Variants in RNPC3 observed in about 807,000 individuals in gnomAD.
The protein encoded by RNPC3 is RNA-binding region-containing protein 3.
RNPC3 carries 48 observed loss-of-function variants against 67.5 expected under a neutral mutation model. The observed-to-expected ratio is 0.71, with a 90% CI of 0.56 to 0.90. RNPC3 has a LOEUF of 0.90. Ranked by LOEUF, RNPC3 falls within the 40% of genes least tolerant of loss-of-function variation. RNPC3 has a pLI of 0.00. For missense variants in RNPC3, 637 were observed against 626.1 expected (o/e 1.02, Z -0.19); for synonymous variants, 239 against 210.3 (o/e 1.14, Z -1.18).
chr1:103,536,651 G>C (rs1650994662), intron 6 of RNPC3, among the ~76,000 whole-genome samples: 1 of 152,084 alleles, frequency 6.6e-6, no homozygotes, highest in South Asian at 2.1e-4. Flanking sequence ...TGTAGTACTA[G>C]TATATTTATG....
At chr1:103,544,631 C>A (rs953992633) in intron 9 of RNPC3, among the ~76,000 whole-genome samples, 35 of 151,702 alleles carry the variant, frequency 2.3e-4, no homozygotes, top group African/African-American at 8.5e-4. Flanking sequence ...AGTTTTAATT[C>A]CTATCTTGGA....
intron 2 of RNPC3, among the ~76,000 whole-genome samples, chr1:103,528,804 T>C (rs975857882): frequency 3.9e-5 from 6 of 152,294 alleles, no homozygotes; most frequent in African/African-American, 1.4e-4. Flanking sequence ...GCAGTTAAAG[T>C]AGGAGAACTA....
chr1:103,533,681 C>T (rs544862908), intron 2 of RNPC3, 58 bp from the exon 3 acceptor site: 2 of 900,634 alleles, frequency 2.2e-6, no homozygotes, highest in Non-Finnish European at 3.4e-6. Context: ...AAATTGGTCT[C>T]TAACGAATCA....
At position 103,550,926 on chromosome 1, in the gene RNPC3, G is replaced by C; in HGVS notation, c.1362-15G>C. On this transcript the variant is annotated splice_polypyrimidine_tract_variant and intron_variant, in intron 12 of 14. Transcript: ENST00000423855. Reference sequence around the variant, plus strand: ...AACTGACATTCTTTGAATCAAAACTGTTTCTTCCTTCTAGGTTTGATATAC... The same window carrying C: ...AACTGACATTCTTTGAATCAAAACTCTTTCTTCCTTCTAGGTTTGATATAC... 1 of 1,608,050 alleles carries C rather than the reference G, an allele frequency of 6.2e-7. No individual in the cohort carries two copies. The highest frequency in any genetic ancestry group is 8.5e-7 in the Non-Finnish European group (1 of 1,178,086).
At chr1:103,537,191 C>T in intron 6 of RNPC3, 151 bp from the exon 7 acceptor site, 1 of 481,252 alleles carries the variant, frequency 2.1e-6, no homozygotes. Flanking sequence ...AGCTAGTGAT[C>T]TGCCATACAA....
At chr1:103,536,822 A>G (rs1203785295) in intron 6 of RNPC3, among the ~76,000 whole-genome samples, 1 of 151,820 alleles carries the variant, frequency 6.6e-6, no homozygotes, top group African/African-American at 2.4e-5. Context: ...TGCTTGATAT[A>G]TTACTGGAGA....
At chr1:103,527,020 T>TAA (rs879574251) in intron 1 of RNPC3, among the ~76,000 whole-genome samples, 1 of 146,478 alleles carries the variant, frequency 6.8e-6, no homozygotes, top group African/African-American at 2.5e-5. Context: ...GCCTGCAAAT[T>TAA]AAAAAAAAAA....
Position 103,545,103 on chromosome 1 carries a change from G to A in RNPC3, c.1207+1G>A. The A allele has an allele frequency of 6.5e-7, 1 of 1,528,854 alleles. No homozygotes were observed. Among genetic ancestry groups the A allele is most frequent in the Non-Finnish European group, 8.8e-7 (1 of 1,142,788 alleles). The allele number at this position is 1,528,854 out of a possible 1,614,324, so 94.7% of individuals were successfully genotyped here. A position where few individuals can be genotyped will look rare whatever the true frequency, so the allele number is the denominator to read the frequency against. On this transcript the variant is annotated splice_donor_variant, in intron 10 of 14. Coordinates refer to ENST00000423855, the MANE Select transcript of RNPC3 (RefSeq NM_017619.4). LOFTEE classifies it high-confidence loss of function. ...GAAAAGGGCAGAATTTCTAGAGAAGGTAATGTCACGAAATAAACTAAGCAC... is the reference window on the plus strand; with the variant it reads ...GAAAAGGGCAGAATTTCTAGAGAAGATAATGTCACGAAATAAACTAAGCAC...
In RNPC3 at chr1:103,546,990, T is replaced by G; in HGVS notation, c.1316T>G (p.Ile439Ser). The G allele has an allele frequency of 6.7e-7, 1 of 1,487,828 alleles. No homozygotes were observed. Among genetic ancestry groups the G allele is most frequent in the Non-Finnish European group, 9.0e-7 (1 of 1,108,504 alleles). The allele number at this position is 1,487,828 out of a possible 1,614,324, so 92.2% of individuals were successfully genotyped here. A position where few individuals can be genotyped will look rare whatever the true frequency, so the allele number is the denominator to read the frequency against. ...KHVQEKDLKY[I>S]FGRYVDFSSE... The stretch of plus-strand genomic sequence containing the variant: ...TTGAAATTCTAGGACCTTAAATATA[T>G]TTTTGGAAGATATGTTGACTTTTCA... Residue 439 changes from isoleucine (I) to serine (S), a missense_variant, in exon 12 of 15, where the codon ATT (isoleucine) becomes AGT (serine). Transcript: ENST00000423855.
rs1430484104 is a variant in RNPC3 at position 103,526,106 on chromosome 1, G to T, written c.36G>T (p.Arg12Ser). 6.5e-7 allele frequency: 1 copy of T among 1,550,316 alleles called. No individual in the cohort carries two copies. Among genetic ancestry groups the T allele is most frequent in the African/African-American group, 1.4e-5 (1 of 73,122 alleles). ...AAPEQPLAIS[R>S]GCTSSSSLSP... is the part of the protein sequence containing the mutation. The stretch of plus-strand genomic sequence containing the variant: ...CCGAGCAGCCGCTTGCGATATCAAG[G>T]GGATGCACGAGCTCCTCCTCGCTTT... The change falls in exon 1 of 15, where the codon AGG (arginine) becomes AGT (serine). Residue 12 changes from arginine (R) to serine (S), a missense_variant. By Grantham distance (110) the Arg-to-Ser change is moderately radical (BLOSUM62 -1). Around this residue, in one of 3 missense-constraint regions of RNPC3, gnomAD observed 536 missense variants for 500.3 expected, o/e 1.07. Coordinates refer to ENST00000423855, the MANE Select transcript of RNPC3 (RefSeq NM_017619.4).
chr1:103,530,305 A>C (rs1325002759), intron 2 of RNPC3, among the ~76,000 whole-genome samples: 1 of 152,188 alleles, frequency 6.6e-6, no homozygotes, highest in Non-Finnish European at 1.5e-5. Context: ...CAAGTAGAGC[A>C]ATAAGATCAG....
intron 8 of RNPC3, 46 bp downstream of exon 8, chr1:103,541,521 T>A (rs775418728): frequency 6.9e-7 from 1 of 1,444,986 alleles, no homozygotes; most frequent in Non-Finnish European, 9.1e-7. Flanking sequence ...GTATGTACTT[T>A]GTTTACTTGC....
intron 14 of RNPC3, 176 bp downstream of exon 14, chr1:103,551,968 A>G (rs527322600): frequency 5.6e-4 from 236 of 422,354 alleles, no homozygotes; most frequent in African/African-American, 4.6e-3. Flanking sequence ...ATTAAAACCC[A>G]TTTATATGTG....
rs565864933 is a variant in RNPC3, at chr1:103,541,923, A to G, written c.893+448A>G. On this transcript the variant is annotated intron_variant, in intron 8 of 14. Transcript: ENST00000423855. ...TTAACTCCATCACCTGATATCAAAC[A>G]TTTTTTACTTAAAAAGTACCCAGCA... Among the ~76,000 whole-genome samples the G allele has an allele frequency of 1.1e-4, 16 of 152,084 alleles. No homozygotes were observed. The East Asian group carries it at 1.7e-3, about 17-fold the overall frequency.
chr1:103,553,991 T>A (rs1470052725), intron 14 of RNPC3: 1 of 152,226 alleles, frequency 6.6e-6, no homozygotes, highest in Non-Finnish European at 1.5e-5. Context: ...TCCAGACTGG[T>A]TGATGACCGT....
At chr1:103,526,439 C>A (rs1288397012) in intron 1 of RNPC3, among the ~76,000 whole-genome samples, 177 bp downstream of exon 1, 1 of 152,158 alleles carries the variant, frequency 6.6e-6, no homozygotes, top group Non-Finnish European at 1.5e-5. Flanking sequence ...GAGTTTTAAT[C>A]GGCTCGAGTC....
At chr1:103,537,939 G>T (rs1460823806) in intron 7 of RNPC3, among the ~76,000 whole-genome samples, 1 of 152,072 alleles carries the variant, frequency 6.6e-6, no homozygotes, top group Non-Finnish European at 1.5e-5. Flanking sequence ...TGCCTCCCAG[G>T]TTCAAGCGAT....
intron 8 of RNPC3, among the ~76,000 whole-genome samples, chr1:103,542,718 T>C (rs1651150412): frequency 6.6e-6 from 1 of 151,824 alleles, no homozygotes; most frequent in African/African-American, 2.4e-5. Context: ...ATCTTTATAG[T>C]GACACTGAAC....
chr1:103,534,124 G>T (rs1294049627), intron 3 of RNPC3, among the ~76,000 whole-genome samples: 3 of 151,968 alleles, frequency 2.0e-5, no homozygotes, highest in Non-Finnish European at 2.9e-5. Context: ...ACTTTCAATG[G>T]AGGGAAAATA....
Sources: allele counts gnomAD v4.1 joint callset (sites outside exome capture counted in the v4.1 genomes callset), GRCh38; gene constraint gnomAD v4.1.1; regional missense constraint gnomAD v4.1.1; transcripts MANE v1.5; gene names NCBI Gene and HGNC (gene_info 2026-07-23, HGNC 2026-07-21).